The following ZNF81 variants were observed in gnomAD, a reference collection of about 807,000 sequenced individuals.
ZNF81 encodes zinc finger protein 81, also known as zinc finger protein 81 (HFZ20).
In ZNF81, 5 loss-of-function variants were observed where a neutral mutation model predicts 32.3. The observed-to-expected ratio is 0.15, with a 90% CI of 0.08 to 0.33. ZNF81 has a LOEUF of 0.33. Among genes scored for constraint, ZNF81 ranks in the 10% least tolerant of loss-of-function variants. The probability of loss-of-function intolerance (pLI) is 1.00; values close to 1 mark genes in which losing one functional copy is unlikely to be tolerated. For missense variants in ZNF81, 379 were observed against 479.8 expected (o/e 0.79, Z 1.96); for synonymous variants, 163 against 166.8 (o/e 0.98, Z 0.17).
chrX:47,887,952 C>T (rs1556885992), intron 2 of ZNF81, 47 bp from the exon 3 acceptor site: 1 of 1,207,077 alleles, frequency 8.3e-7, no homozygotes, highest in Non-Finnish European at 1.1e-6. Flanking sequence ...TTCTCTCCAT[C>T]CTCCAGTGCT....
Position 47,876,330 on chromosome X carries a change from CT to C in ZNF81, c.55-11663del, listed in dbSNP as rs782635270. On this transcript the variant is annotated intron_variant, in intron 2 of 4. Transcript: ENST00000338637. Reference sequence around the variant, plus strand: ...CCTTGGCAACAGTGAAAATTCAACTCTTTTTTAACCTTATAGGCTAGGGGTT... The same window carrying C: ...CCTTGGCAACAGTGAAAATTCAACTCTTTTTAACCTTATAGGCTAGGGGTT... 3.5e-4 allele frequency among the ~76,000 whole-genome samples: 39 copies of C among 112,400 alleles called. No individual in the cohort carries two copies. In the East Asian group the frequency reaches 0.01, roughly 30 times the overall value.
At chrX:47,854,728 G>A (rs1260738022) in intron 2 of ZNF81, among the ~76,000 whole-genome samples, 1 of 111,805 alleles carries the variant, frequency 8.9e-6, no homozygotes, top group Non-Finnish European at 1.9e-5. Flanking sequence ...CATCTTCTAT[G>A]CGCATGGTTC....
chrX:47,921,553 C>G lies in ZNF81; in HGVS notation c.*4921C>G, dbSNP rs1249649840. The G allele has an allele frequency of 9.0e-6, 1 of 111,180 alleles. No individual in the cohort carries two copies. Among genetic ancestry groups the G allele is most frequent in the Non-Finnish European group, 1.9e-5 (1 of 53,091 alleles). The allele number at this position is 111,180 out of a possible 1,213,427, so 9.2% of individuals were successfully genotyped here. Reference sequence around the variant, plus strand: ...TGATCCCCACCTCCTGGTATTCTCACTCTTATATAATCCCCTCCTCTTGAG... The same window carrying G: ...TGATCCCCACCTCCTGGTATTCTCAGTCTTATATAATCCCCTCCTCTTGAG... On this transcript the variant is annotated 3_prime_UTR_variant, in exon 5 of 5. Coordinates refer to ENST00000338637, the MANE Select transcript of ZNF81 (RefSeq NM_007137.5).
chrX:47,852,661 C>A (rs1556881379), intron 2 of ZNF81, among the ~76,000 whole-genome samples: 1 of 112,517 alleles, frequency 8.9e-6, no homozygotes, highest in Non-Finnish European at 1.9e-5. Flanking sequence ...ACTTCTAGTT[C>A]TCTCGCTATT....
intron 2 of ZNF81, among the ~76,000 whole-genome samples, chrX:47,848,417 T>A (rs1319883528): frequency 8.9e-6 from 1 of 112,074 alleles, no homozygotes; most frequent in African/African-American, 3.2e-5. Context: ...AAAAACTTTA[T>A]CTTCCAAATC....
chrX:47,851,463 A>T (rs2148007954), intron 2 of ZNF81, among the ~76,000 whole-genome samples: 1 of 112,078 alleles, frequency 8.9e-6, no homozygotes, highest in African/African-American at 3.2e-5. Context: ...ACAGTATCTC[A>T]GTATAGATTT....
chrX:47,885,563 T>A (rs2058638191), intron 2 of ZNF81, among the ~76,000 whole-genome samples: 1 of 111,636 alleles, frequency 9.0e-6, no homozygotes, highest in Non-Finnish European at 1.9e-5. Context: ...AAGTCCAAGA[T>A]AAAGGCACCA....
At chrX:47,909,002 T>C (rs1397358371) in intron 4 of ZNF81, among the ~76,000 whole-genome samples, 1 of 112,178 alleles carries the variant, frequency 8.9e-6, no homozygotes, top group Non-Finnish European at 1.9e-5. Flanking sequence ...GGTGTATACA[T>C]ATGAGTATTG....
At chrX:47,880,382 T>C (rs947138577) in intron 2 of ZNF81, among the ~76,000 whole-genome samples, 7 of 111,667 alleles carry the variant, frequency 6.3e-5, no homozygotes, top group Non-Finnish European at 1.1e-4. Context: ...CTGGTTAATT[T>C]TTTGTATTTT....
intron 2 of ZNF81, among the ~76,000 whole-genome samples, chrX:47,861,300 C>T (rs2058539531): frequency 8.9e-6 from 1 of 111,817 alleles, no homozygotes; most frequent in South Asian, 3.7e-4. Flanking sequence ...GTGTGGAAAA[C>T]CCCACACATT....
At chrX:47,892,272 G>T (rs1009062736) in intron 3 of ZNF81, among the ~76,000 whole-genome samples, 2 of 111,171 alleles carry the variant, frequency 1.8e-5, no homozygotes, top group Non-Finnish European at 3.8e-5. Context: ...GCCACCCCAG[G>T]ATCCAACTAC....
At chrX:47,896,761 C>A (rs1556887291) in intron 4 of ZNF81, among the ~76,000 whole-genome samples, 1 of 111,450 alleles carries the variant, frequency 9.0e-6, no homozygotes, top group Non-Finnish European at 1.9e-5. Context: ...CCCAGGCAAC[C>A]ACTGACATGC....
At chrX:47,839,052 T>G (rs781897724) in intron 1 of ZNF81, among the ~76,000 whole-genome samples, 2 of 112,394 alleles carry the variant, frequency 1.8e-5, no homozygotes, top group Non-Finnish European at 3.8e-5. Flanking sequence ...CTCAAAGTGC[T>G]GGGATTACAG....
intron 1 of ZNF81, among the ~76,000 whole-genome samples, chrX:47,840,242 G>A (rs1331540480): frequency 9.5e-6 from 1 of 105,497 alleles, no homozygotes; most frequent in Non-Finnish European, 1.9e-5. Flanking sequence ...ATTCAATTAT[G>A]TCCCTGGGCT....
Position 47,916,357 on chromosome X carries a change from A to G in ZNF81, c.1711A>G (p.Thr571Ala). 8.3e-7 allele frequency: 1 copy of G among 1,211,805 alleles called. No homozygotes were observed. The highest frequency in any genetic ancestry group is 3.0e-5 in the East Asian group (1 of 33,831). The change falls in exon 5 of 5, where the codon ACA becomes GCA. Residue 571 changes from threonine (T) to alanine (A), a missense_variant. This residue lies in a region of ZNF81 where 102 missense variants were observed against 173.2 expected (regional missense o/e 0.59). Transcript: ENST00000338637. ...RAFIQKSELI[T>A]HQRIHTTEKP... ...CTTCATCCAGAAGTCAGAGTTGATT[A>G]CACATCAGAGAATTCATACTACAGA...
intron 2 of ZNF81, among the ~76,000 whole-genome samples, chrX:47,864,302 T>C (rs376498609): frequency 4.5e-4 from 50 of 111,765 alleles, no homozygotes; most frequent in African/African-American, 1.6e-3. Flanking sequence ...GTCACATGGA[T>C]TTTGCAATAA....
Position 47,895,867 on chromosome X carries a change from G to A in ZNF81, c.204G>A (p.Glu68=), listed in dbSNP as rs782430254. Residue 68 remains glutamate, a synonymous_variant, in exon 4 of 5, where the codon GAG becomes GAA. Transcript: ENST00000338637. ...LSVGFEVPKP[E]VIFKLEQGEG... Reference sequence around the variant, plus strand: ...CAGGGTTCGAAGTTCCTAAACCAGAGGTCATCTTCAAGTTGGAGCAAGGAG... The same window carrying A: ...CAGGGTTCGAAGTTCCTAAACCAGAAGTCATCTTCAAGTTGGAGCAAGGAG... The A allele has an allele frequency of 6.6e-5, 80 of 1,208,646 alleles. No homozygotes were observed. In the Admixed American group the frequency reaches 1.4e-3, roughly 21 times the overall value.
chrX:47,920,160 A>C lies in ZNF81; in HGVS notation c.*3528A>C, dbSNP rs1556891674. 8.9e-6 allele frequency: 1 copy of C among 111,922 alleles called. No homozygotes were observed. Among genetic ancestry groups the C allele is most frequent in the Non-Finnish European group, 1.9e-5 (1 of 53,187 alleles). The allele number at this position is 111,922 out of a possible 1,213,427, so 9.2% of individuals were successfully genotyped here. On this transcript the variant is annotated 3_prime_UTR_variant, in exon 5 of 5. Coordinates refer to ENST00000338637, the MANE Select transcript of ZNF81 (RefSeq NM_007137.5). Reference sequence around the variant, plus strand: ...ACCTTTGCTGTACCATAGACTTAAAATTCCTCTATTGTTATCTTATGCTTG... The same window carrying C: ...ACCTTTGCTGTACCATAGACTTAAACTTCCTCTATTGTTATCTTATGCTTG...
chrX:47,859,106 GAAAGAAAAGA>G lies in ZNF81; in HGVS notation c.54+12788_54+12797del, dbSNP rs782048007. ...AAACTCCGTCTCAAAAAAAAAAAAA[GAAAGAAAAGA>G]AAGGAAAAGAAAGGTTTAAATTCTT... On this transcript the variant is annotated intron_variant, in intron 2 of 4. Transcript: ENST00000338637. Among the ~76,000 whole-genome samples the G allele has an allele frequency of 6.9e-3, 753 of 108,584 alleles. 3 individuals carry two copies. The highest frequency in any genetic ancestry group is 0.024 in the African/African-American group (723 of 30,100). The allele number at this position is 108,584 out of a possible 115,157, so 94.3% of individuals were successfully genotyped here.
Sources: allele counts gnomAD v4.1 joint callset (sites outside exome capture counted in the v4.1 genomes callset), GRCh38; gene constraint gnomAD v4.1.1; regional missense constraint gnomAD v4.1.1; transcripts MANE v1.5; gene names NCBI Gene and HGNC (gene_info 2026-07-23, HGNC 2026-07-21).